The following DACH2 variants were observed in gnomAD, a reference collection of about 807,000 sequenced individuals.
DACH2 encodes the protein dachshund homolog 2.
DACH2 carries 17 observed loss-of-function variants against 35.8 expected under a neutral mutation model. The ratio of observed to expected loss-of-function variants is 0.48; its 90% CI spans 0.33 to 0.71. DACH2 has a LOEUF of 0.71. Ranked by LOEUF, DACH2 falls within the 30% of genes least tolerant of loss-of-function variation. The probability of loss-of-function intolerance (pLI) is 0.02; values close to 1 mark genes in which losing one functional copy is unlikely to be tolerated. For synonymous variants in DACH2, 195 were observed against 177.3 expected (o/e 1.10, Z -0.79); for missense variants, 469 against 472.7 (o/e 0.99, Z 0.07).
At chrX:86,485,216 G>A (rs1275841698) in intron 2 of DACH2, among the ~76,000 whole-genome samples, 1 of 111,729 alleles carries the variant, frequency 9.0e-6, no homozygotes, top group Non-Finnish European at 1.9e-5. Context: ...AAAAGGATAT[G>A]AATGTAATAG....
chrX:86,715,141 T>A (rs774889277), intron 6 of DACH2, among the ~76,000 whole-genome samples: 1 of 111,482 alleles, frequency 9.0e-6, no homozygotes, highest in Admixed American at 9.6e-5. Flanking sequence ...CAATTCTGAT[T>A]TGCAACTTAG....
chrX:86,784,615 A>G (rs912489143), intron 7 of DACH2, among the ~76,000 whole-genome samples: 1 of 112,095 alleles, frequency 8.9e-6, no homozygotes, highest in African/African-American at 3.2e-5. Flanking sequence ...CAACCCAACA[A>G]TCTCATTATT....
intron 1 of DACH2, among the ~76,000 whole-genome samples, chrX:86,327,353 C>T (rs2035134536): frequency 8.9e-6 from 1 of 111,865 alleles, no homozygotes; most frequent in African/African-American, 3.2e-5. Flanking sequence ...TTGTTTCTCA[C>T]CAAGACACAC....
At chrX:86,686,565 C>T (rs952488521) in intron 4 of DACH2, among the ~76,000 whole-genome samples, 1 of 111,396 alleles carries the variant, frequency 9.0e-6, no homozygotes, top group Admixed American at 9.6e-5. Flanking sequence ...ACTTCTGCTC[C>T]AGGCAACATA....
At chrX:86,619,510 A>G (rs2040045070) in intron 3 of DACH2, among the ~76,000 whole-genome samples, 1 of 111,791 alleles carries the variant, frequency 8.9e-6, no homozygotes, top group South Asian at 3.7e-4. Context: ...TGACCCCAAG[A>G]TTTTTCTATT....
intron 3 of DACH2, among the ~76,000 whole-genome samples, chrX:86,569,835 A>G (rs895096875): frequency 8.9e-6 from 1 of 111,777 alleles, no homozygotes; most frequent in Non-Finnish European, 1.9e-5. Flanking sequence ...TTTTCTCAAT[A>G]TATCCATCTG....
At chrX:86,455,589 T>C (rs1336373850) in intron 2 of DACH2, among the ~76,000 whole-genome samples, 7 of 112,407 alleles carry the variant, frequency 6.2e-5, no homozygotes, top group Non-Finnish European at 1.3e-4. Context: ...CTGCGCTGCA[T>C]TGTGTGGGAA....
At chrX:86,293,991 A>T (rs1475951696) in intron 1 of DACH2, among the ~76,000 whole-genome samples, 1 of 111,437 alleles carries the variant, frequency 9.0e-6, no homozygotes, top group Non-Finnish European at 1.9e-5. Context: ...ATTGGGGAAG[A>T]TCTCCTGGAT....
intron 4 of DACH2, among the ~76,000 whole-genome samples, chrX:86,677,602 A>G (rs1473128358): frequency 8.9e-6 from 1 of 112,233 alleles, no homozygotes; most frequent in African/African-American, 3.2e-5. Context: ...TAACAGGTGT[A>G]GTAGCCCTCA....
intron 3 of DACH2, among the ~76,000 whole-genome samples, chrX:86,611,983 G>A (rs1218859235): frequency 9.1e-6 from 1 of 109,291 alleles, no homozygotes; most frequent in East Asian, 2.9e-4. Flanking sequence ...GTGTGTGTGT[G>A]TGGGTAGGGG....
At chrX:86,776,053 T>C in intron 7 of DACH2, among the ~76,000 whole-genome samples, 1 of 111,537 alleles carries the variant, frequency 9.0e-6, no homozygotes, top group Middle Eastern at 4.6e-3. Flanking sequence ...AACTATAACA[T>C]GCTTTTTTCC....
chrX:86,828,149 T>A, intron 11 of DACH2: 1 of 150,464 alleles, frequency 6.6e-6, no homozygotes, highest in Non-Finnish European at 1.3e-5. Context: ...CTAAATGGTG[T>A]GAGACAAATT....
chrX:86,433,536 G>A (rs913509863), intron 2 of DACH2, among the ~76,000 whole-genome samples: 7 of 111,533 alleles, frequency 6.3e-5, no homozygotes, highest in African/African-American at 2.3e-4. Flanking sequence ...TGTATACAAG[G>A]CAGTATGCTA....
chrX:86,750,699 G>A (rs1452393075), intron 7 of DACH2, among the ~76,000 whole-genome samples: 1 of 112,017 alleles, frequency 8.9e-6, no homozygotes, highest in East Asian at 2.8e-4. Context: ...GTTTGTCATT[G>A]TGTGACTGGC....
At chrX:86,623,053 A>C (rs2040087324) in intron 3 of DACH2, among the ~76,000 whole-genome samples, 1 of 111,826 alleles carries the variant, frequency 8.9e-6, no homozygotes, top group South Asian at 3.7e-4. Flanking sequence ...GTATTTATCA[A>C]GTACTGCCCA....
At chrX:86,458,824 A>T (rs745313105) in intron 2 of DACH2, among the ~76,000 whole-genome samples, 40 of 111,279 alleles carry the variant, frequency 3.6e-4, no homozygotes, top group African/African-American at 1.3e-3. Context: ...GAACAATGAG[A>T]ACACATGGAC....
intron 3 of DACH2, among the ~76,000 whole-genome samples, chrX:86,534,149 A>G (rs2038762795): frequency 8.9e-6 from 1 of 112,036 alleles, no homozygotes; most frequent in Admixed American, 9.5e-5. Flanking sequence ...TCTTTGCAGT[A>G]TTCCATGACG....
chrX:86,646,744 C>CA (rs2040419941), intron 3 of DACH2, among the ~76,000 whole-genome samples: 2 of 109,499 alleles, frequency 1.8e-5, no homozygotes, highest in South Asian at 7.5e-4. Flanking sequence ...AACTCAATAA[C>CA]AAAAAATAAA....
At chrX:86,586,243 C>T (rs2039568606) in intron 3 of DACH2, among the ~76,000 whole-genome samples, 1 of 111,373 alleles carries the variant, frequency 9.0e-6, no homozygotes, top group Admixed American at 9.5e-5. Flanking sequence ...TTCCTTTGCC[C>T]ACTTTTTAAT....
Sources: gnomAD v4.1 joint callset for allele counts (sites outside exome capture counted in the v4.1 genomes callset) on GRCh38, gnomAD v4.1.1 for gene constraint, MANE v1.5 for transcripts, NCBI Gene and HGNC (gene_info 2026-07-23, HGNC 2026-07-21) for gene names.